The following SEC22A variants were observed in gnomAD, a reference collection of about 807,000 sequenced individuals.
SEC22A encodes SEC22 homolog A, vesicle trafficking protein, also known as vesicle-trafficking protein SEC22a.
SEC22A carries 22 observed loss-of-function variants against 35.3 expected under a neutral mutation model. That is an observed-to-expected ratio of 0.62 (90% CI 0.45 to 0.89). The LOEUF is 0.89. SEC22A is among the 40% of genes least tolerant of loss of function. The pLI, the probability that SEC22A is intolerant of heterozygous loss-of-function variation, is 0.00. For missense variants in SEC22A, 354 were observed against 362.5 expected, an observed-to-expected ratio of 0.98 and a Z score of 0.19; for synonymous variants, 119 against 129.5, an observed-to-expected ratio of 0.92 and a Z score of 0.55.
At position 123,273,846 on chromosome 3, in the gene SEC22A, A is replaced by C. The variant is rs1374023817; in HGVS notation, c.*2124A>C. 7.0e-6 allele frequency: 1 copy of C among 143,124 alleles called. No individual in the cohort carries two copies. Among genetic ancestry groups the C allele is most frequent in the African/African-American group, 2.6e-5 (1 of 37,874 alleles). The allele number at this position is 143,124 out of a possible 1,614,324, so 8.9% of individuals were successfully genotyped here. On this transcript the variant is annotated 3_prime_UTR_variant, in exon 7 of 7. Coordinates refer to ENST00000492595, the MANE Select transcript of SEC22A (RefSeq NM_012430.5). ...TTTTCTAAACTAATGGTTAAAACAG[A>C]ATTTTCTTGTAAATAGGGAAGTTGG...
At chr3:123,254,047 T>C (rs1337757512) in intron 5 of SEC22A, among the ~76,000 whole-genome samples, 1 of 152,170 alleles carries the variant, frequency 6.6e-6, no homozygotes, top group Non-Finnish European at 1.5e-5. Flanking sequence ...CAAATTTTCA[T>C]ACATGTACAT....
chr3:123,267,489 GT>G (rs1180627297), intron 6 of SEC22A, among the ~76,000 whole-genome samples: 1 of 152,016 alleles, frequency 6.6e-6, no homozygotes, highest in Non-Finnish European at 1.5e-5. Flanking sequence ...CCCTAGATGT[GT>G]TTTTGCCCTC....
chr3:123,271,468 ATC>A, intron 6 of SEC22A, 52 bp from the exon 7 acceptor site: 3 of 1,438,094 alleles, frequency 2.1e-6, no homozygotes, highest in East Asian at 2.3e-5. Flanking sequence ...TATTAGAAAC[ATC>A]TGTTTCTTTT....
At chr3:123,241,403 CTCTCT>C (rs1216222424) in intron 4 of SEC22A, among the ~76,000 whole-genome samples, 1 of 152,152 alleles carries the variant, frequency 6.6e-6, no homozygotes, top group African/African-American at 2.4e-5. Context: ...CTTGAAATTT[CTCTCT>C]TATCTTCCAC....
At chr3:123,211,539 G>A (rs981412530) in intron 2 of SEC22A, among the ~76,000 whole-genome samples, 8 of 152,096 alleles carry the variant, frequency 5.3e-5, no homozygotes, top group Non-Finnish European at 8.8e-5. Context: ...AGCTCACTGA[G>A]CCTCAACCTC....
chr3:123,236,004 G>T (rs1937412839), intron 4 of SEC22A, among the ~76,000 whole-genome samples: 1 of 152,154 alleles, frequency 6.6e-6, no homozygotes, highest in Non-Finnish European at 1.5e-5. Flanking sequence ...GGCAAATCCA[G>T]AGAGACAGGA....
intron 4 of SEC22A, among the ~76,000 whole-genome samples, chr3:123,238,986 C>T (rs1196894565): frequency 6.6e-6 from 1 of 152,138 alleles, no homozygotes; most frequent in Non-Finnish European, 1.5e-5. Context: ...AACATTTTGC[C>T]ATTCTTTTTT....
chr3:123,203,691 T>C (rs956531706), intron 1 of SEC22A, among the ~76,000 whole-genome samples: 1 of 152,164 alleles, frequency 6.6e-6, no homozygotes, highest in Non-Finnish European at 1.5e-5. Flanking sequence ...TGATGAAGCA[T>C]AGTGATGTAG....
chr3:123,230,610 A>G (rs1407407077), intron 4 of SEC22A, among the ~76,000 whole-genome samples: 2 of 151,214 alleles, frequency 1.3e-5, no homozygotes, highest in African/African-American at 2.4e-5. Context: ...TAAGATGTAC[A>G]TGGTAAGCTT....
At chr3:123,242,111 T>G (rs187660877) in intron 4 of SEC22A, among the ~76,000 whole-genome samples, 94 of 152,320 alleles carry the variant, frequency 6.2e-4, no homozygotes. Flanking sequence ...TTGATTCTCC[T>G]GCATCTGCCT....
intron 2 of SEC22A, among the ~76,000 whole-genome samples, chr3:123,212,558 T>G (rs1936954780): frequency 6.6e-6 from 1 of 152,126 alleles, no homozygotes; most frequent in Non-Finnish European, 1.5e-5. Flanking sequence ...GACTCTCTTT[T>G]AAAATTAAAA....
intron 4 of SEC22A, 44 bp downstream of exon 4, chr3:123,225,341 G>A (rs1351274537): frequency 1.8e-5 from 22 of 1,220,142 alleles, no homozygotes; most frequent in Non-Finnish European, 2.3e-5. Context: ...AAAATCCTTG[G>A]GAAAAACTGA....
chr3:123,269,179 ATGTGTGTGTGTGTGTG>A (rs200267944), intron 6 of SEC22A, among the ~76,000 whole-genome samples: 58 of 120,738 alleles, frequency 4.8e-4, no homozygotes, highest in Non-Finnish European at 8.7e-4. Context: ...AATTAAATAT[ATGTGTGTGTGTGTGTG>A]TGTGTGTGTG....
At chr3:123,234,443 A>C (rs1479870381) in intron 4 of SEC22A, among the ~76,000 whole-genome samples, 1 of 152,148 alleles carries the variant, frequency 6.6e-6, no homozygotes, top group East Asian at 1.9e-4. Flanking sequence ...AATGGAGTAG[A>C]ATTGAGAGTA....
intron 2 of SEC22A, among the ~76,000 whole-genome samples, chr3:123,212,522 T>TA (rs1329004483): frequency 2.0e-5 from 3 of 152,152 alleles, no homozygotes; most frequent in Non-Finnish European, 4.4e-5. Flanking sequence ...GTGCTGGACT[T>TA]AAACTTTTGC....
chr3:123,269,084 T>C (rs1429154253), intron 6 of SEC22A, among the ~76,000 whole-genome samples: 1 of 152,136 alleles, frequency 6.6e-6, no homozygotes, highest in Non-Finnish European at 1.5e-5. Flanking sequence ...AGATCCCCAT[T>C]GCAAAGATAT....
intron 4 of SEC22A, among the ~76,000 whole-genome samples, chr3:123,232,964 C>G (rs1046814231): frequency 2.0e-5 from 3 of 152,110 alleles, no homozygotes; most frequent in Non-Finnish European, 4.4e-5. Context: ...CAGACCCCAT[C>G]TCTACAAAAA....
At chr3:123,225,980 T>C (rs1937212700) in intron 4 of SEC22A, among the ~76,000 whole-genome samples, 1 of 152,232 alleles carries the variant, frequency 6.6e-6, no homozygotes, top group Non-Finnish European at 1.5e-5. Context: ...TTATTTCAGT[T>C]AATAAAATGT....
chr3:123,217,122 C>T (rs1937041274), intron 2 of SEC22A, among the ~76,000 whole-genome samples: 1 of 152,132 alleles, frequency 6.6e-6, no homozygotes, highest in South Asian at 2.1e-4. Flanking sequence ...AGCCGCTGCA[C>T]CTGGCCCTAT....
Sources: gnomAD v4.1 joint callset for allele counts (sites outside exome capture counted in the v4.1 genomes callset) on GRCh38, gnomAD v4.1.1 for gene constraint, MANE v1.5 for transcripts, NCBI Gene and HGNC (gene_info 2026-07-23, HGNC 2026-07-21) for gene names.